The following ZC3H13 variants were observed in gnomAD, a reference collection of about 807,000 sequenced individuals.
ZC3H13 encodes the protein zinc finger CCCH-type containing 13, also known as zinc finger CCCH domain-containing protein 13.
Under a neutral mutation model 204.1 loss-of-function variants are expected in ZC3H13, and 64 were observed. The ratio of observed to expected loss-of-function variants is 0.31; its 90% CI spans 0.26 to 0.39. The LOEUF is 0.39. Among genes scored for constraint, ZC3H13 ranks in the 10% least tolerant of loss-of-function variants. The pLI is 1.00. For missense variants in ZC3H13, 1,833 were observed against 2,082.7 expected (o/e 0.88, Z 2.33); for synonymous variants, 667 against 693.7 (o/e 0.96, Z 0.60).
intron 8 of ZC3H13, among the ~76,000 whole-genome samples, chr13:46,000,768 C>T (rs1301113726): frequency 6.6e-6 from 1 of 152,114 alleles, no homozygotes; most frequent in Non-Finnish European, 1.5e-5. Context: ...AGAGATCTAG[C>T]TTGCCACCTA....
intron 17 of ZC3H13, chr13:45,962,707 A>G (rs559635902): frequency 4.1e-6 from 4 of 981,938 alleles, no homozygotes; most frequent in Middle Eastern, 5.3e-4. Context: ...TCATAAAACA[A>G]TATTTTTTTA....
chr13:46,012,336 G>A, intron 5 of ZC3H13, among the ~76,000 whole-genome samples: 1 of 152,080 alleles, frequency 6.6e-6, no homozygotes. Flanking sequence ...AAATGCCCAG[G>A]AGCCTAGAGG....
At chr13:45,998,273 AT>A in intron 8 of ZC3H13, among the ~76,000 whole-genome samples, 1 of 152,198 alleles carries the variant, frequency 6.6e-6, no homozygotes, top group South Asian at 2.1e-4. Context: ...AGCCACACAA[AT>A]TTTTTGGTTT....
chr13:46,007,984 TC>T, intron 7 of ZC3H13, among the ~76,000 whole-genome samples: 1 of 152,254 alleles, frequency 6.6e-6, no homozygotes. Context: ...ATCTCATATA[TC>T]AGGACAAATC....
At position 45,989,089 on chromosome 13, in the gene ZC3H13, G is replaced by T; in HGVS notation, c.953C>A (p.Ser318Tyr). 6.2e-7 allele frequency: 1 copy of T among 1,612,620 alleles called. No homozygotes were observed. The highest frequency in any genetic ancestry group is 8.5e-7 in the Non-Finnish European group (1 of 1,178,750). ...REKRDKPRSTSPAGQHHSPIS... is the reference protein window; with the variant it reads ...REKRDKPRSTYPAGQHHSPIS... ...AGGAGAATGATGCTGTCCTGCTGGG[G>T]AAGTAGACCTACAAGGGAAAACAAT... is the stretch of plus-strand genomic sequence containing the variant. Residue 318 changes from serine to tyrosine, a missense_variant, in exon 9 of 19, where the codon TCC becomes TAC. Ser to Tyr is a moderately radical substitution (Grantham distance 144). Transcript: ENST00000679008.
At chr13:46,036,362 T>C (rs1348160593) in intron 4 of ZC3H13, among the ~76,000 whole-genome samples, 2 of 152,324 alleles carry the variant, frequency 1.3e-5, no homozygotes, top group South Asian at 2.1e-4. Context: ...GATCCACCTA[T>C]AGACTGAGAA....
chr13:46,042,359 G>A (rs1248094527), intron 3 of ZC3H13, 84 bp from the exon 4 acceptor site: 1 of 874,916 alleles, frequency 1.1e-6, no homozygotes, highest in Non-Finnish European at 1.7e-6. Flanking sequence ...CATTTTATAA[G>A]AATGTATTTA....
chr13:45,965,821 C>A lies in ZC3H13; in HGVS notation c.4322-389G>T, dbSNP rs1952032248. Among the ~76,000 whole-genome samples the A allele has an allele frequency of 2.0e-5, 3 of 152,064 alleles. No homozygotes were observed. The East Asian group carries it at 5.8e-4, about 29-fold the overall frequency. On this transcript the variant is annotated intron_variant, in intron 15 of 18. Coordinates refer to ENST00000679008, the MANE Select transcript of ZC3H13 (RefSeq NM_001330564.2). ...TTGAAGTTATATTTTCAAATTTTCA[C>A]AATTTATCTAAACAAAGTAATTTAA...
At chr13:45,959,456 G>T (rs1951518603) in intron 18 of ZC3H13, 27 bp downstream of exon 18, 1 of 1,509,334 alleles carries the variant, frequency 6.6e-7, no homozygotes, top group Non-Finnish European at 8.9e-7. Flanking sequence ...TATTCACTTT[G>T]TATTTTTTCC....
intron 1 of ZC3H13, among the ~76,000 whole-genome samples, chr13:46,048,485 G>A (rs2044150435): frequency 1.3e-5 from 2 of 151,532 alleles, no homozygotes; most frequent in African/African-American, 4.9e-5. Flanking sequence ...GGAGGCTGAG[G>A]CGGGAGAATG....
intron 8 of ZC3H13, among the ~76,000 whole-genome samples, chr13:45,992,844 C>T (rs995716830): frequency 6.6e-6 from 1 of 152,128 alleles, no homozygotes; most frequent in South Asian, 2.1e-4. Flanking sequence ...TTGAGCTGAA[C>T]GTTGATCTAC....
intron 4 of ZC3H13, among the ~76,000 whole-genome samples, chr13:46,033,137 T>C (rs1323302583): frequency 6.6e-6 from 1 of 152,044 alleles, no homozygotes; most frequent in African/African-American, 2.4e-5. Context: ...TTTGAAATCA[T>C]GTAAACGTTT....
At chr13:45,961,266 G>C (rs982193007) in intron 17 of ZC3H13, among the ~76,000 whole-genome samples, 2 of 151,830 alleles carry the variant, frequency 1.3e-5, no homozygotes, top group African/African-American at 4.8e-5. Context: ...GAAATGCATT[G>C]AGCCTACACC....
intron 17 of ZC3H13, chr13:45,963,609 C>T (rs1951849697): frequency 1.5e-6 from 2 of 1,304,580 alleles, no homozygotes; most frequent in South Asian, 3.5e-5. Context: ...AATTTTCATA[C>T]AAAAAGGTCA....
intron 9 of ZC3H13, 108 bp downstream of exon 9, chr13:45,988,679 G>T: frequency 8.0e-7 from 1 of 1,245,122 alleles, no homozygotes; most frequent in Non-Finnish European, 1.1e-6. Flanking sequence ...ATTCTAGTCT[G>T]TGTGTTACAG....
intron 4 of ZC3H13, among the ~76,000 whole-genome samples, chr13:46,036,804 C>T (rs2043236971): frequency 6.6e-6 from 1 of 152,056 alleles, no homozygotes. Context: ...CTGCAACCTC[C>T]GCCTCCCAGG....
chr13:46,048,005 C>G (rs974846594), intron 1 of ZC3H13, among the ~76,000 whole-genome samples: 25 of 152,142 alleles, frequency 1.6e-4, no homozygotes, highest in African/African-American at 5.8e-4. Flanking sequence ...TCTACTACCC[C>G]CAACATGCCT....
intron 7 of ZC3H13, among the ~76,000 whole-genome samples, chr13:46,005,578 C>T (rs2041076948): frequency 6.6e-6 from 1 of 152,056 alleles, no homozygotes; most frequent in African/African-American, 2.4e-5. Flanking sequence ...CAGCCTCGAC[C>T]CCCAGGGCTC....
intron 4 of ZC3H13, among the ~76,000 whole-genome samples, chr13:46,036,569 C>T (rs1472889235): frequency 6.6e-6 from 1 of 151,160 alleles, no homozygotes; most frequent in African/African-American, 2.4e-5. Flanking sequence ...AGAAAAACCT[C>T]GAGGTGGAAA....
Sources: gnomAD v4.1 joint callset for allele counts (sites outside exome capture counted in the v4.1 genomes callset) on GRCh38, gnomAD v4.1.1 for gene constraint, MANE v1.5 for transcripts, NCBI Gene and HGNC (gene_info 2026-07-23, HGNC 2026-07-21) for gene names.